The following SLC1A3 variants were observed in gnomAD, a reference collection of about 807,000 sequenced individuals.
The protein encoded by SLC1A3 is solute carrier family 1 member 3, also known as excitatory amino acid transporter 1.
Under a neutral mutation model 48.1 loss-of-function variants are expected in SLC1A3, and 21 were observed. The ratio of observed to expected loss-of-function variants is 0.44; its 90% confidence interval spans 0.31 to 0.63. The LOEUF is 0.63. Among genes scored for constraint, SLC1A3 ranks in the 20% least tolerant of loss-of-function variants. The pLI is 0.08. For missense variants in SLC1A3, 546 were observed against 689.0 expected, an observed-to-expected ratio of 0.79 and a Z score of 2.32; for synonymous variants, 239 against 251.4, an observed-to-expected ratio of 0.95 and a Z score of 0.47.
intron 2 of SLC1A3, among the ~76,000 whole-genome samples, chr5:36,622,794 G>A (rs1739730795): frequency 6.6e-6 from 1 of 152,028 alleles, no homozygotes; most frequent in Non-Finnish European, 1.5e-5. Flanking sequence ...GGCAGATCAC[G>A]AGGTCAGGAG....
At chr5:36,636,483 C>CTTTCTTTCTTTCTTTCTTTCTTTT (rs1740375932) in intron 3 of SLC1A3, 2 of 143,626 alleles carry the variant, frequency 1.4e-5, no homozygotes, top group Non-Finnish European at 3.0e-5. Context: ...TTCTTTCTTT[C>CTTTCTTTCTTTCTTTCTTTCTTTT]TTTCTTTCTT....
In SLC1A3 at chr5:36,611,606, G is replaced by T. The variant is rs112071899; in HGVS notation, c.181+3002G>T. On this transcript the variant is annotated intron_variant, in intron 2 of 9. Coordinates refer to ENST00000265113, the MANE Select transcript of SLC1A3 (RefSeq NM_004172.5). ...TGACAAAAGCTCATGTAACAAGAGC[G>T]GTTAGCAATCCGAGAGAACACAGTG... Among the ~76,000 whole-genome samples, 870 of 152,214 alleles carry T rather than the reference G, an allele frequency of 5.7e-3. 2 individuals are homozygous for T. The highest frequency in any genetic ancestry group is 0.01 in the Middle Eastern group (3 of 294).
chr5:36,609,879 C>G (rs1739123379), intron 2 of SLC1A3, among the ~76,000 whole-genome samples: 1 of 152,160 alleles, frequency 6.6e-6, no homozygotes, highest in Admixed American at 6.5e-5. Context: ...ATACAGTCTG[C>G]TTGCCTCATT....
upstream of SLC1A3, among the ~76,000 whole-genome samples, chr5:36,606,032 T>G (rs902262631): frequency 6.6e-6 from 1 of 152,236 alleles, no homozygotes; most frequent in Admixed American, 6.5e-5. Flanking sequence ...TGAGCTAAAT[T>G]AGGTTTGTTA....
chr5:36,636,025 A>G (rs1740329137), intron 3 of SLC1A3: 1 of 105,114 alleles, frequency 9.5e-6, no homozygotes, highest in African/African-American at 3.7e-5. Flanking sequence ...TGTAGAAAGC[A>G]AATCTGGGTA....
intron 3 of SLC1A3, among the ~76,000 whole-genome samples, chr5:36,643,690 T>C (rs1167519694): frequency 3.9e-5 from 6 of 152,108 alleles, no homozygotes; most frequent in Non-Finnish European, 8.8e-5. Context: ...CACTCTGAAG[T>C]GCTTCTTACA....
intron 9 of SLC1A3, among the ~76,000 whole-genome samples, chr5:36,684,748 G>A (rs144402180): frequency 2.4e-4 from 36 of 152,296 alleles, no homozygotes; most frequent in Non-Finnish European, 4.0e-4. Context: ...GACAGTGTGC[G>A]TGAAACCCCA....
At chr5:36,649,150 C>A (rs905915381) in intron 3 of SLC1A3, among the ~76,000 whole-genome samples, 39 of 152,098 alleles carry the variant, frequency 2.6e-4, no homozygotes, top group Non-Finnish European at 5.0e-4. Context: ...TCGAGACCAG[C>A]TGGACCAACA....
chr5:36,677,273 A>G (rs1021564287), intron 6 of SLC1A3, 89 bp downstream of exon 6: 3 of 1,150,192 alleles, frequency 2.6e-6, no homozygotes, highest in African/African-American at 1.5e-5. Context: ...GCCACGAGGC[A>G]GGATGGCCAA....
intron 3 of SLC1A3, among the ~76,000 whole-genome samples, chr5:36,641,867 T>A (rs1048030971): frequency 2.0e-5 from 3 of 152,224 alleles, no homozygotes; most frequent in Admixed American, 2.0e-4. Context: ...ATATAACTCC[T>A]ATGCAATATA....
chr5:36,649,791 T>C (rs1740987806), intron 3 of SLC1A3, among the ~76,000 whole-genome samples: 1 of 152,222 alleles, frequency 6.6e-6, no homozygotes, highest in African/African-American at 2.4e-5. Flanking sequence ...TGTTTATTGT[T>C]GGTGTAGAGA....
intron 6 of SLC1A3, among the ~76,000 whole-genome samples, chr5:36,679,268 G>A (rs189003686): frequency 6.6e-6 from 1 of 152,144 alleles, no homozygotes; most frequent in Non-Finnish European, 1.5e-5. Context: ...GACCAGAAAA[G>A]TGACCCCCAT....
chr5:36,609,755 A>G (rs1008277582), intron 2 of SLC1A3, among the ~76,000 whole-genome samples: 1 of 152,216 alleles, frequency 6.6e-6, no homozygotes, highest in African/African-American at 2.4e-5. Context: ...CAAAGAGAAC[A>G]TGTCCTAACT....
At chr5:36,645,928 T>C (rs1296444151) in intron 3 of SLC1A3, among the ~76,000 whole-genome samples, 1 of 152,248 alleles carries the variant, frequency 6.6e-6, no homozygotes, top group Non-Finnish European at 1.5e-5. Flanking sequence ...TACAGATTAT[T>C]GCTCATTTTT....
At chr5:36,625,273 C>T (rs1423230798) in intron 2 of SLC1A3, among the ~76,000 whole-genome samples, 1 of 152,204 alleles carries the variant, frequency 6.6e-6, no homozygotes, top group Non-Finnish European at 1.5e-5. Context: ...GCCTGGCCAA[C>T]ATGGCAGAAC....
At chr5:36,631,433 A>T (rs2111763829) in intron 3 of SLC1A3, among the ~76,000 whole-genome samples, 1 of 152,356 alleles carries the variant, frequency 6.6e-6, no homozygotes, top group East Asian at 1.9e-4. Context: ...AGAAAAAAAA[A>T]TACTATGATG....
chr5:36,645,502 T>C (rs1043316470), intron 3 of SLC1A3, among the ~76,000 whole-genome samples: 1 of 151,824 alleles, frequency 6.6e-6, no homozygotes, highest in Non-Finnish European at 1.5e-5. Context: ...ATTTTTACAT[T>C]TTTAGTATAG....
intron 8 of SLC1A3, among the ~76,000 whole-genome samples, 171 bp downstream of exon 8, chr5:36,680,760 T>C (rs573479293): frequency 6.6e-6 from 1 of 151,986 alleles, no homozygotes; most frequent in African/African-American, 2.4e-5. Context: ...CCACTAAAAA[T>C]ACAAAAATTA....
intron 3 of SLC1A3, among the ~76,000 whole-genome samples, chr5:36,632,709 G>C (rs1185050282): frequency 2.0e-5 from 3 of 152,182 alleles, no homozygotes; most frequent in Admixed American, 6.5e-5. Context: ...TGTGTTTCTT[G>C]GACTAAGCTT....
Sources: gnomAD v4.1 joint callset for allele counts (sites outside exome capture counted in the v4.1 genomes callset) on GRCh38, gnomAD v4.1.1 for gene constraint, MANE v1.5 for transcripts, NCBI Gene and HGNC (gene_info 2026-07-23, HGNC 2026-07-21) for gene names.